Variants in SCFD2 observed in about 807,000 individuals in gnomAD.
SCFD2 encodes sec1 family domain-containing protein 2.
SCFD2 carries 54 observed loss-of-function variants against 58.9 expected under a neutral mutation model. That is an observed-to-expected ratio of 0.92 (90% confidence interval 0.74 to 1.15). The LOEUF (loss-of-function observed/expected upper bound fraction) is 1.15, where lower values mean the gene tolerates loss of function less well. SCFD2 is among the 50% of genes most tolerant of loss of function. The pLI, the probability that SCFD2 is intolerant of heterozygous loss-of-function variation, is 0.00. For synonymous variants in SCFD2, 321 were observed against 335.9 expected (o/e 0.96, Z 0.49); for missense variants, 805 against 836.6 (o/e 0.96, Z 0.47).
chr4:53,196,945 T>C (rs1241115122), intron 4 of SCFD2, among the ~76,000 whole-genome samples: 2 of 152,162 alleles, frequency 1.3e-5, no homozygotes, highest in South Asian at 2.1e-4. Flanking sequence ...TTGGTTATTA[T>C]TATTAAAATA....
At chr4:53,221,119 C>T (rs1429302652) in intron 4 of SCFD2, among the ~76,000 whole-genome samples, 4 of 152,168 alleles carry the variant, frequency 2.6e-5, no homozygotes, top group Non-Finnish European at 5.9e-5. Flanking sequence ...TGTGCTAGTG[C>T]AGTATATACA....
intron 5 of SCFD2, among the ~76,000 whole-genome samples, chr4:53,056,015 T>C (rs1723327956): frequency 6.6e-6 from 1 of 152,152 alleles, no homozygotes; most frequent in African/African-American, 2.4e-5. Context: ...AATGAACATG[T>C]GTATCCTGGG....
At chr4:53,238,413 T>C (rs1251324348) in intron 4 of SCFD2, among the ~76,000 whole-genome samples, 8 of 112,802 alleles carry the variant, frequency 7.1e-5, no homozygotes, top group Non-Finnish European at 9.1e-5. Flanking sequence ...CTGACCCCCC[T>C]ACCTCCCTCC....
intron 5 of SCFD2, among the ~76,000 whole-genome samples, chr4:53,109,277 A>C (rs1281534850): frequency 6.6e-6 from 1 of 152,120 alleles, no homozygotes; most frequent in East Asian, 1.9e-4. Flanking sequence ...ATGGGCAAAA[A>C]CTGGAAGCAT....
At chr4:52,985,375 C>G (rs1199578969) in intron 5 of SCFD2, among the ~76,000 whole-genome samples, 2 of 152,176 alleles carry the variant, frequency 1.3e-5, no homozygotes, top group African/African-American at 4.8e-5. Context: ...TGGCACCATG[C>G]TTAGCTCCTT....
rs9759306 is a variant in SCFD2 at position 53,331,328 on chromosome 4, T to G, written c.1008-17565A>C. Among the ~76,000 whole-genome samples the G allele has an allele frequency of 1.3e-4, 19 of 150,448 alleles. 1 individual carries two copies. The highest frequency in any genetic ancestry group is 3.9e-4 in the African/African-American group (16 of 41,130). ...GCACCACACCACACCTATTCCAAAA[T>G]TGACCACATACTTGGAAGTAAAGCT... On this transcript the variant is annotated intron_variant, in intron 2 of 8. Transcript: ENST00000401642.
intron 5 of SCFD2, among the ~76,000 whole-genome samples, chr4:53,086,420 A>C (rs1484646877): frequency 6.6e-6 from 1 of 152,136 alleles, no homozygotes; most frequent in Non-Finnish European, 1.5e-5. Flanking sequence ...AAAGCCCTAT[A>C]CACTGTTGGT....
At chr4:53,244,628 C>T (rs957183262) in intron 4 of SCFD2, among the ~76,000 whole-genome samples, 12 of 152,126 alleles carry the variant, frequency 7.9e-5, no homozygotes, top group Non-Finnish European at 1.3e-4. Flanking sequence ...TAAATGTCCA[C>T]ATCAGAAAGT....
At chr4:52,887,805 G>A (rs1005910219) in intron 7 of SCFD2, among the ~76,000 whole-genome samples, 8 of 152,062 alleles carry the variant, frequency 5.3e-5, no homozygotes, top group African/African-American at 1.9e-4. Flanking sequence ...AGGTCAAGAG[G>A]AAGCCCTTTC....
At chr4:53,335,530 G>A (rs1733657261) in intron 2 of SCFD2, among the ~76,000 whole-genome samples, 1 of 152,106 alleles carries the variant, frequency 6.6e-6, no homozygotes, top group African/African-American at 2.4e-5. Context: ...TCTAATGAGG[G>A]TAGTAATGTA....
intron 5 of SCFD2, among the ~76,000 whole-genome samples, chr4:52,997,850 G>T (rs576576041): frequency 6.6e-6 from 1 of 152,278 alleles, no homozygotes; most frequent in Non-Finnish European, 1.5e-5. Flanking sequence ...TGGACTCTGG[G>T]ATTTGGCATG....
chr4:53,341,966 A>G (rs1259444945), intron 2 of SCFD2, among the ~76,000 whole-genome samples: 1 of 152,242 alleles, frequency 6.6e-6, no homozygotes, highest in African/African-American at 2.4e-5. Context: ...AGCACTAAAC[A>G]TGGAAAGGAA....
At position 53,301,714 on chromosome 4, in the gene SCFD2, T is replaced by TA. The variant is rs1732307467; in HGVS notation, c.1135+11921dup. Reference sequence around the variant, plus strand: ...GCAAAAATCCTCAATAAAATACTGGTAAACTGAATCCAGCAACACATCAAA... The same window carrying TA: ...GCAAAAATCCTCAATAAAATACTGGTAAAACTGAATCCAGCAACACATCAAA... On this transcript the variant is annotated intron_variant, in intron 3 of 8. Transcript: ENST00000401642. Among the ~76,000 whole-genome samples the TA allele has an allele frequency of 2.0e-5, 3 of 152,066 alleles. No homozygotes were observed. In the South Asian group the frequency reaches 6.2e-4, roughly 32 times the overall value.
chr4:53,266,285 C>T (rs1730981328), intron 4 of SCFD2, among the ~76,000 whole-genome samples: 1 of 151,902 alleles, frequency 6.6e-6, no homozygotes, highest in Non-Finnish European at 1.5e-5. Context: ...TATTTTTGAC[C>T]CAGCTGAAAG....
intron 1 of SCFD2, among the ~76,000 whole-genome samples, chr4:53,359,067 CAATAAATATTTGTTAAAA>C (rs1490635198): frequency 6.6e-6 from 1 of 151,700 alleles, no homozygotes; most frequent in Non-Finnish European, 1.5e-5. Context: ...AATAGGCACT[CAATAAATATTTGTTAAAA>C]AAAAAAGTAC....
chr4:53,197,365 A>G (rs1728088634), intron 4 of SCFD2, among the ~76,000 whole-genome samples: 1 of 152,100 alleles, frequency 6.6e-6, no homozygotes, highest in Admixed American at 6.6e-5. Context: ...GATTATCCAA[A>G]GTCTTACAGT....
At chr4:53,340,561 G>A (rs10010450) in intron 2 of SCFD2, among the ~76,000 whole-genome samples, 148,773 of 152,292 alleles carry the variant, frequency 0.98, 72,774 homozygotes, top group Middle Eastern at 1. Context: ...AAAAGGCAGC[G>A]AAAACTTCTG....
At chr4:52,990,681 C>T (rs1281726931) in intron 5 of SCFD2, among the ~76,000 whole-genome samples, 1 of 152,086 alleles carries the variant, frequency 6.6e-6, no homozygotes, top group East Asian at 1.9e-4. Flanking sequence ...ATAGTATTCT[C>T]TTACTAAAGC....
chr4:53,050,193 C>T lies in SCFD2; in HGVS notation c.1561+95140G>A, dbSNP rs1378932356. On this transcript the variant is annotated intron_variant, in intron 5 of 8. Transcript: ENST00000401642. ...CAAATAAAAAGAAGTCTTAAAAACACCTTTAAGTACTTAAGAGAAGCAAGA... is the reference window on the plus strand; with the variant it reads ...CAAATAAAAAGAAGTCTTAAAAACATCTTTAAGTACTTAAGAGAAGCAAGA... Among the ~76,000 whole-genome samples, 7 of 152,282 alleles carry T rather than the reference C, an allele frequency of 4.6e-5. No homozygotes were observed. The South Asian group carries it at 1.4e-3, about 32-fold the overall frequency.
Sources: gnomAD v4.1 joint callset for allele counts (sites outside exome capture counted in the v4.1 genomes callset) on GRCh38, gnomAD v4.1.1 for gene constraint, MANE v1.5 for transcripts, NCBI Gene and HGNC (gene_info 2026-07-23, HGNC 2026-07-21) for gene names.